The following COX7B2 variants were observed in gnomAD, a reference collection of about 807,000 sequenced individuals.
The protein encoded by COX7B2 is cytochrome c oxidase subunit 7B2.
For synonymous variants in COX7B2, 37 were observed against 32.1 expected (o/e 1.15, Z -0.51); for missense variants, 109 against 95.9 (o/e 1.14, Z -0.57).
At position 46,753,254 on chromosome 4, in the gene COX7B2, G is replaced by A. The variant is rs1221949188; in HGVS notation, c.-49-18013C>T. On this transcript the variant is annotated intron_variant, in intron 2 of 2. Coordinates refer to ENST00000355591, the MANE Select transcript of COX7B2 (RefSeq NM_130902.3). ...TGGTAGTTTGTATTTCTGTGGGATC[G>A]GTGGTGATATCCCCTTTATCATTTT... Among the ~76,000 whole-genome samples the A allele has an allele frequency of 9.9e-5, 15 of 152,036 alleles. No individual in the cohort carries two copies. The East Asian group carries it at 1.5e-3, about 16-fold the overall frequency.
chr4:46,788,160 A>T (rs1717849679), intron 2 of COX7B2, among the ~76,000 whole-genome samples: 1 of 152,224 alleles, frequency 6.6e-6, no homozygotes, highest in African/African-American at 2.4e-5. Flanking sequence ...AAAGTATGAG[A>T]TAAGAAAGAA....
chr4:46,822,681 A>C (rs1192203152), intron 2 of COX7B2, among the ~76,000 whole-genome samples: 1 of 152,204 alleles, frequency 6.6e-6, no homozygotes, highest in Non-Finnish European at 1.5e-5. Flanking sequence ...CAAAGAACAG[A>C]TACCCATCTC....
chr4:46,846,851 A>G (rs1157361872), intron 1 of COX7B2, among the ~76,000 whole-genome samples: 1 of 152,044 alleles, frequency 6.6e-6, no homozygotes, highest in Non-Finnish European at 1.5e-5. Flanking sequence ...AGAGTCAAGG[A>G]TGATACAAAG....
rs531819088 is a variant in COX7B2, at chr4:46,735,939, T to C, written c.-49-698A>G. 2.7e-3 allele frequency among the ~76,000 whole-genome samples: 415 copies of C among 152,252 alleles called. 1 individual carries two copies. Among genetic ancestry groups the C allele is most frequent in the African/African-American group, 9.7e-3 (404 of 41,558 alleles). Reference sequence around the variant, plus strand: ...AGAGTTCCCATGTACCCTGACCCTATACACCCACAGCCTCCCTAGCTATCA... The same window carrying C: ...AGAGTTCCCATGTACCCTGACCCTACACACCCACAGCCTCCCTAGCTATCA... On this transcript the variant is annotated intron_variant, in intron 2 of 2. Transcript: ENST00000355591.
chr4:46,825,606 G>A (rs1022434374), intron 2 of COX7B2, among the ~76,000 whole-genome samples: 1 of 152,132 alleles, frequency 6.6e-6, no homozygotes, highest in East Asian at 1.9e-4. Flanking sequence ...CAAAGCTGGA[G>A]GCATGAGGTT....
chr4:46,812,131 G>A (rs1470844424), intron 2 of COX7B2, among the ~76,000 whole-genome samples: 1 of 152,078 alleles, frequency 6.6e-6, no homozygotes, highest in African/African-American at 2.4e-5. Flanking sequence ...CTGGAATATA[G>A]GACACATATG....
intron 2 of COX7B2, among the ~76,000 whole-genome samples, chr4:46,746,941 G>T (rs1407205048): frequency 6.6e-6 from 1 of 152,162 alleles, no homozygotes; most frequent in African/African-American, 2.4e-5. Context: ...TTTCAGGAAT[G>T]CTCAGCAGAA....
intron 2 of COX7B2, among the ~76,000 whole-genome samples, chr4:46,742,856 A>T (rs1714798339): frequency 6.6e-6 from 1 of 152,188 alleles, no homozygotes; most frequent in Admixed American, 6.6e-5. Context: ...AAATGAACAG[A>T]TCATTTCTAT....
At position 46,748,090 on chromosome 4, in the gene COX7B2, C is replaced by A. The variant is rs1715131029; in HGVS notation, c.-49-12849G>T. On this transcript the variant is annotated intron_variant, in intron 2 of 2. Coordinates refer to ENST00000355591, the MANE Select transcript of COX7B2 (RefSeq NM_130902.3). Reference sequence around the variant, plus strand: ...TAACTTTCTGATTTACATTAAAGAACCAGAAAGAATAAATTTAAAAATCTT... The same window carrying A: ...TAACTTTCTGATTTACATTAAAGAAACAGAAAGAATAAATTTAAAAATCTT... Among the ~76,000 whole-genome samples, 5 of 152,082 alleles carry A rather than the reference C, an allele frequency of 3.3e-5. No individual in the cohort carries two copies. In the South Asian group the frequency reaches 8.3e-4, roughly 25 times the overall value.
intron 2 of COX7B2, among the ~76,000 whole-genome samples, chr4:46,780,178 A>G (rs1384994013): frequency 6.6e-6 from 1 of 152,194 alleles, no homozygotes. Context: ...TAGATCCAGT[A>G]ATCAAACTCA....
At chr4:46,805,270 G>A (rs902299330) in intron 2 of COX7B2, among the ~76,000 whole-genome samples, 3 of 152,270 alleles carry the variant, frequency 2.0e-5, no homozygotes, top group African/African-American at 4.8e-5. Context: ...GACTCCTCAA[G>A]TGGGGCCAGA....
At chr4:46,859,405 A>G (rs764692506) in intron 1 of COX7B2, among the ~76,000 whole-genome samples, 1 of 152,190 alleles carries the variant, frequency 6.6e-6, no homozygotes, top group Non-Finnish European at 1.5e-5. Context: ...TGAATCTGAC[A>G]TTTACAAGTC....
At chr4:46,831,844 TGGA>T (rs1458013664) in intron 2 of COX7B2, among the ~76,000 whole-genome samples, 1 of 152,124 alleles carries the variant, frequency 6.6e-6, no homozygotes, top group Non-Finnish European at 1.5e-5. Flanking sequence ...GGTGAGGACT[TGGA>T]GAACCTTTAT....
Position 46,775,879 on chromosome 4 carries a change from G to A in COX7B2, c.-49-40638C>T, listed in dbSNP as rs576020125. 5.8e-4 allele frequency among the ~76,000 whole-genome samples: 88 copies of A among 152,278 alleles called. 1 individual carries two copies. Among genetic ancestry groups the A allele is most frequent in the Middle Eastern group, 3.4e-3 (1 of 294 alleles). On this transcript the variant is annotated intron_variant, in intron 2 of 2. Transcript: ENST00000355591. ...TCTGAGGTGTTCAAAGAGGCCTGAT[G>A]TCAGAAGAGAAATGCAAATACTGGT...
At chr4:46,869,892 T>C (rs2109820755) in intron 1 of COX7B2, among the ~76,000 whole-genome samples, 1 of 152,306 alleles carries the variant, frequency 6.6e-6, no homozygotes, top group South Asian at 2.1e-4. Flanking sequence ...GGGAGTTCTC[T>C]GTATTTCCTG....
chr4:46,898,723 T>G (rs1470671126), intron 1 of COX7B2, among the ~76,000 whole-genome samples: 1 of 152,140 alleles, frequency 6.6e-6, no homozygotes, highest in African/African-American at 2.4e-5. Flanking sequence ...CCGTGCCCAG[T>G]CCACTCAATT....
At chr4:46,860,300 G>T (rs1293505224) in intron 1 of COX7B2, among the ~76,000 whole-genome samples, 26 of 152,198 alleles carry the variant, frequency 1.7e-4, no homozygotes, top group Admixed American at 1.7e-3. Flanking sequence ...TGTAAAACCA[G>T]TCAAAGGCTG....
chr4:46,890,906 T>G (rs1482242631), intron 1 of COX7B2, among the ~76,000 whole-genome samples: 8 of 152,176 alleles, frequency 5.3e-5, no homozygotes, highest in Non-Finnish European at 1.2e-4. Flanking sequence ...AAATGGATCT[T>G]TCTGGTCATG....
At chr4:46,755,342 T>C (rs1201103576) in intron 2 of COX7B2, among the ~76,000 whole-genome samples, 1 of 152,084 alleles carries the variant, frequency 6.6e-6, no homozygotes, top group Non-Finnish European at 1.5e-5. Flanking sequence ...TCATGCTTAA[T>C]GGGGAAAAGT....
Sources: gnomAD v4.1 joint callset for allele counts (sites outside exome capture counted in the v4.1 genomes callset) on GRCh38, gnomAD v4.1.1 for gene constraint, MANE v1.5 for transcripts, NCBI Gene and HGNC (gene_info 2026-07-23, HGNC 2026-07-21) for gene names.